Variants in CAMK4 observed in about 807,000 individuals in gnomAD.
CAMK4 encodes the protein calcium/calmodulin-dependent protein kinase type IV.
Under a neutral mutation model 44.9 loss-of-function variants are expected in CAMK4, and 22 were observed. The observed-to-expected ratio is 0.49, with a 90% CI of 0.35 to 0.70. The LOEUF (loss-of-function observed/expected upper bound fraction) is 0.70, where lower values mean the gene tolerates loss of function less well. Ranked by LOEUF, CAMK4 falls within the 30% of genes least tolerant of loss-of-function variation. The pLI, the probability that CAMK4 is intolerant of heterozygous loss-of-function variation, is 0.01. For missense variants in CAMK4, 498 were observed against 586.8 expected, an observed-to-expected ratio of 0.85 and a Z score of 1.56; for synonymous variants, 218 against 215.4, an observed-to-expected ratio of 1.01 and a Z score of -0.11.
chr5:111,243,549 C>T (rs1749100603), intron 1 of CAMK4, among the ~76,000 whole-genome samples: 1 of 152,206 alleles, frequency 6.6e-6, no homozygotes, highest in Admixed American at 6.5e-5. Context: ...TGTTTACTGC[C>T]TGCCAGTTAT....
At chr5:111,382,002 G>C (rs1338075002) in intron 4 of CAMK4, among the ~76,000 whole-genome samples, 2 of 151,984 alleles carry the variant, frequency 1.3e-5, no homozygotes, top group African/African-American at 4.8e-5. Context: ...TTCTTTTAGG[G>C]CCTCACTTTC....
intron 1 of CAMK4, among the ~76,000 whole-genome samples, chr5:111,318,528 T>G (rs952755642): frequency 4.6e-5 from 7 of 151,986 alleles, no homozygotes; most frequent in African/African-American, 7.2e-5. Flanking sequence ...GGGTGGAAGG[T>G]GGGGTTGGAG....
chr5:111,473,150 C>T (rs1755121161), intron 7 of CAMK4, among the ~76,000 whole-genome samples, 161 bp from the exon 8 acceptor site: 1 of 152,148 alleles, frequency 6.6e-6, no homozygotes, highest in South Asian at 2.1e-4. Flanking sequence ...CTAAAATAGA[C>T]ATAAGTATTT....
chr5:111,470,523 A>G (rs994888231), intron 7 of CAMK4, among the ~76,000 whole-genome samples: 2 of 152,196 alleles, frequency 1.3e-5, no homozygotes, highest in African/African-American at 2.4e-5. Context: ...TATAAACTTT[A>G]TATCTCAACA....
At chr5:111,346,482 T>TATCTATC (rs1554063397) in intron 2 of CAMK4, among the ~76,000 whole-genome samples, 1 of 149,918 alleles carries the variant, frequency 6.7e-6, no homozygotes, top group Non-Finnish European at 1.5e-5. Flanking sequence ...GCTTGAAACT[T>TATCTATC]TATCTATCTA....
chr5:111,355,250 C>G (rs1750288114), intron 2 of CAMK4, among the ~76,000 whole-genome samples: 1 of 152,042 alleles, frequency 6.6e-6, no homozygotes, highest in Admixed American at 6.6e-5. Flanking sequence ...TAGGGACTAT[C>G]AAACCAGGTC....
chr5:111,386,124 A>G (rs306111), intron 4 of CAMK4, among the ~76,000 whole-genome samples: 140,795 of 152,242 alleles, frequency 0.92, 65,250 homozygotes, highest in East Asian at 1. Flanking sequence ...TTCTTTGGCA[A>G]GAAAGTTTTT....
intron 2 of CAMK4, among the ~76,000 whole-genome samples, chr5:111,360,100 T>G (rs766719820): frequency 6.6e-5 from 10 of 152,100 alleles, no homozygotes; most frequent in Non-Finnish European, 1.5e-4. Context: ...GCATTTACTC[T>G]GAACCTGAAT....
At position 111,224,697 on chromosome 5, in the gene CAMK4, C is replaced by T; in HGVS notation, c.161+53C>T. 6.5e-7 allele frequency: 1 copy of T among 1,544,076 alleles called. No individual in the cohort carries two copies. Among genetic ancestry groups the T allele is most frequent in the Non-Finnish European group, 8.8e-7 (1 of 1,139,506 alleles). On this transcript the variant is annotated intron_variant, in intron 1 of 10. Coordinates refer to ENST00000282356, the MANE Select transcript of CAMK4 (RefSeq NM_001744.6). This position sits in a 1 kb window ranked among gnomAD's most constrained non-coding sequence, Gnocchi z 5.7. ...CCCGCGGCGTGCACTGGGGGTTGTC[C>T]CTCTCGCAGCGACGGCTCGGAGGGT...
chr5:111,427,694 G>C (rs1012526836), intron 5 of CAMK4, among the ~76,000 whole-genome samples: 4 of 152,032 alleles, frequency 2.6e-5, no homozygotes, highest in Non-Finnish European at 5.9e-5. Context: ...TGTGTCTTGT[G>C]GTTTGAGTGC....
chr5:111,378,388 C>T (rs1751294035), intron 4 of CAMK4, among the ~76,000 whole-genome samples: 1 of 152,146 alleles, frequency 6.6e-6, no homozygotes, highest in Admixed American at 6.6e-5. Flanking sequence ...CACACCCATA[C>T]TCTACCCAGT....
intron 2 of CAMK4, among the ~76,000 whole-genome samples, chr5:111,347,874 T>C (rs1324917584): frequency 2.6e-5 from 4 of 152,072 alleles, no homozygotes; most frequent in African/African-American, 9.7e-5. Flanking sequence ...GGAGGACCTC[T>C]AAGATGAATT....
chr5:111,274,055 C>T (rs759726199), intron 1 of CAMK4, among the ~76,000 whole-genome samples: 1 of 152,056 alleles, frequency 6.6e-6, no homozygotes, highest in Non-Finnish European at 1.5e-5. Context: ...TCCTTACCCA[C>T]TCCTTTCTGC....
intron 9 of CAMK4, among the ~76,000 whole-genome samples, chr5:111,478,730 C>T (rs545097843): frequency 3.9e-5 from 6 of 152,244 alleles, no homozygotes; most frequent in African/African-American, 1.4e-4. Context: ...ACTACAATTA[C>T]TACAGTATTA....
chr5:111,396,278 G>A (rs1177139108), intron 5 of CAMK4, among the ~76,000 whole-genome samples: 9 of 152,060 alleles, frequency 5.9e-5, no homozygotes, highest in African/African-American at 1.9e-4. Flanking sequence ...GCTATGGTGA[G>A]GGATGAAAAG....
At chr5:111,418,987 T>G (rs1752920089) in intron 5 of CAMK4, among the ~76,000 whole-genome samples, 1 of 152,148 alleles carries the variant, frequency 6.6e-6, no homozygotes, top group Non-Finnish European at 1.5e-5. Flanking sequence ...CAAATGGTAT[T>G]TCTAGTTCTA....
chr5:111,315,078 T>C (rs1748363949), intron 1 of CAMK4, among the ~76,000 whole-genome samples: 2 of 152,172 alleles, frequency 1.3e-5, no homozygotes. Flanking sequence ...ACCTTGCTTA[T>C]TGCCGAATTA....
At chr5:111,379,001 T>TC (rs1751317143) in intron 4 of CAMK4, among the ~76,000 whole-genome samples, 1 of 149,886 alleles carries the variant, frequency 6.7e-6, no homozygotes, top group Non-Finnish European at 1.5e-5. Flanking sequence ...TTTAGCTGAC[T>TC]TTTTTATGGA....
intron 9 of CAMK4, among the ~76,000 whole-genome samples, chr5:111,480,120 C>G (rs1755381204): frequency 6.6e-6 from 1 of 152,130 alleles, no homozygotes; most frequent in South Asian, 2.1e-4. Flanking sequence ...CCCCTTTGAT[C>G]ACTTTTCACT....
Sources: gnomAD v4.1 joint callset for allele counts (sites outside exome capture counted in the v4.1 genomes callset) on GRCh38, gnomAD v4.1.1 for gene constraint, Gnocchi (gnomAD v3.1) non-coding constraint, MANE v1.5 for transcripts, NCBI Gene and HGNC (gene_info 2026-07-23, HGNC 2026-07-21) for gene names.